The following TXLNB variants were observed in gnomAD, a reference collection of about 807,000 sequenced individuals.
TXLNB encodes beta-taxilin.
TXLNB carries 37 observed loss-of-function variants against 57.4 expected under a neutral mutation model. The ratio of observed to expected loss-of-function variants is 0.64; its 90% CI spans 0.50 to 0.85. The LOEUF is 0.85. TXLNB is among the 40% of genes least tolerant of loss of function. The pLI, the probability that TXLNB is intolerant of heterozygous loss-of-function variation, is 0.00. For missense variants in TXLNB, 848 were observed against 825.6 expected, an observed-to-expected ratio of 1.03 and a Z score of -0.33; for synonymous variants, 302 against 309.6, an observed-to-expected ratio of 0.98 and a Z score of 0.26.
chr6:139,211,362 G>A, the TXLNB span, among the ~76,000 whole-genome samples: 1 of 152,186 alleles, frequency 6.6e-6, no homozygotes, highest in Admixed American at 6.5e-5. Flanking sequence ...TGATACCCAG[G>A]CAAACAGGGT....
chr6:139,245,807 C>T lies in TXLNB; in HGVS notation c.1171-1117G>A, dbSNP rs182339521. On this transcript the variant is annotated intron_variant, in intron 8 of 9. Coordinates refer to ENST00000358430, the MANE Select transcript of TXLNB (RefSeq NM_153235.4). ...TCCCGAGTTCAAGCGATTCTCCTGCCTCAGCCTCCTGAGTAGCTGGGATTA... is the reference window on the plus strand; with the variant it reads ...TCCCGAGTTCAAGCGATTCTCCTGCTTCAGCCTCCTGAGTAGCTGGGATTA... Among the ~76,000 whole-genome samples, 152 of 152,300 alleles carry T rather than the reference C, an allele frequency of 1.0e-3. 1 individual carries two copies. Among genetic ancestry groups the T allele is most frequent in the African/African-American group, 3.5e-3 (144 of 41,566 alleles).
chr6:139,191,186 G>A, the TXLNB span, among the ~76,000 whole-genome samples: 6 of 152,068 alleles, frequency 3.9e-5, no homozygotes, highest in South Asian at 6.2e-4. Context: ...TTGGGAGGCC[G>A]AGATGGGCGG....
chr6:139,213,262 A>G, the TXLNB span, among the ~76,000 whole-genome samples: 4 of 152,348 alleles, frequency 2.6e-5, no homozygotes, highest in African/African-American at 9.6e-5. Flanking sequence ...AAGAACAGAA[A>G]TTATAACAAA....
At chr6:139,202,068 T>C in the TXLNB span, among the ~76,000 whole-genome samples, 1 of 152,212 alleles carries the variant, frequency 6.6e-6, no homozygotes, top group Non-Finnish European at 1.5e-5. Context: ...CCATATGAAA[T>C]TTCCATTTGA....
At chr6:139,294,521 G>A (rs1777356143), upstream of TXLNB, among the ~76,000 whole-genome samples, 1 of 152,036 alleles carries the variant, frequency 6.6e-6, no homozygotes, top group South Asian at 2.1e-4. Flanking sequence ...TATGAGGGTA[G>A]AGCTTTTATG....
the TXLNB span, among the ~76,000 whole-genome samples, chr6:139,231,960 C>A: frequency 1.3e-5 from 2 of 152,162 alleles, no homozygotes; most frequent in Admixed American, 1.3e-4. Flanking sequence ...CAGAGCATTA[C>A]AATAGTCTGA....
chr6:139,276,713 C>T, intron 3 of TXLNB, 117 bp downstream of exon 3: 1 of 755,588 alleles, frequency 1.3e-6, no homozygotes, highest in Non-Finnish European at 2.2e-6. Context: ...GCGCACAGAC[C>T]TCAGATGTTG....
chr6:139,196,130 G>C, the TXLNB span, among the ~76,000 whole-genome samples: 1 of 151,922 alleles, frequency 6.6e-6, no homozygotes, highest in Non-Finnish European at 1.5e-5. Context: ...AAAAGGAAAG[G>C]AATCTACCAT....
Position 139,288,769 on chromosome 6 carries a change from G to A in TXLNB, c.131C>T (p.Pro44Leu), listed in dbSNP as rs1316727716. The A allele has an allele frequency of 6.2e-7, 1 of 1,614,080 alleles. No homozygotes were observed. ...DGQDSPTPVQ[P>L]PEKEASVHPD... ...GTGCACACTTGCCTCTTTCTCTGGT[G>A]GTTGGACTGGGGTTGGAGAATCCTG... The change falls in exon 2 of 10, where the codon CCA (proline) becomes CTA (leucine). Residue 44 changes from proline to leucine, a missense_variant. Coordinates refer to ENST00000358430, the MANE Select transcript of TXLNB (RefSeq NM_153235.4).
chr6:139,287,785 G>A (rs905797377), intron 2 of TXLNB, among the ~76,000 whole-genome samples: 2 of 152,154 alleles, frequency 1.3e-5, no homozygotes, highest in South Asian at 2.1e-4. Flanking sequence ...CCCAGCCATC[G>A]TTGGTGTCAC....
chr6:139,208,795 G>T, the TXLNB span, among the ~76,000 whole-genome samples: 2 of 152,152 alleles, frequency 1.3e-5, no homozygotes, highest in African/African-American at 4.8e-5. Flanking sequence ...ATAGCTGAAG[G>T]TAATAAAAGC....
At chr6:139,167,241 A>G in the TXLNB span, 3 of 1,614,050 alleles carry the variant, frequency 1.9e-6, no homozygotes, top group Non-Finnish European at 2.5e-6. Flanking sequence ...GTGTTCGAAC[A>G]GTTCCCACTG....
the TXLNB span, among the ~76,000 whole-genome samples, chr6:139,168,045 G>A: frequency 6.6e-6 from 1 of 152,200 alleles, no homozygotes; most frequent in Non-Finnish European, 1.5e-5. Flanking sequence ...TAAAAAGCTT[G>A]TTGTGAAAAT....
the TXLNB span, among the ~76,000 whole-genome samples, chr6:139,213,667 C>CA: frequency 2.6e-5 from 4 of 152,104 alleles, no homozygotes; most frequent in African/African-American, 7.2e-5. Context: ...AAAAACCCTT[C>CA]AAAAAATCAA....
chr6:139,320,871 T>C, the TXLNB span, among the ~76,000 whole-genome samples: 1 of 152,206 alleles, frequency 6.6e-6, no homozygotes, highest in African/African-American at 2.4e-5. Flanking sequence ...CCTTTCCCAC[T>C]TTCTCCTTCT....
the TXLNB span, among the ~76,000 whole-genome samples, chr6:139,213,461 G>C: frequency 2.6e-5 from 4 of 152,110 alleles, no homozygotes; most frequent in African/African-American, 4.8e-5. Context: ...CAAAATCTCT[G>C]GGACACATTC....
the TXLNB span, among the ~76,000 whole-genome samples, chr6:139,172,842 T>C: frequency 6.6e-6 from 1 of 152,240 alleles, no homozygotes; most frequent in African/African-American, 2.4e-5. Flanking sequence ...TATTCTGTAA[T>C]GCTGCTGTTA....
At chr6:139,238,028 T>C (rs1184178544), downstream of TXLNB, among the ~76,000 whole-genome samples, 1 of 152,206 alleles carries the variant, frequency 6.6e-6, no homozygotes, top group Non-Finnish European at 1.5e-5. Flanking sequence ...CCAAATATCC[T>C]TATTTGGTGG....
In TXLNB at chr6:139,255,606, C is replaced by G; in HGVS notation, c.1035G>C (p.Gln345His). ...LLNQAAEWKL[Q>H]AKVLKEQETV... ...TCTCTTGCTCCTTCAGCACTTTCGCCTGAAGTTTCCACTCTGCTGCCTGGT... is the reference window on the plus strand; with the variant it reads ...TCTCTTGCTCCTTCAGCACTTTCGCGTGAAGTTTCCACTCTGCTGCCTGGT... Residue 345 changes from glutamine to histidine, a missense_variant, in exon 7 of 10, where the codon CAG becomes CAC. Coordinates refer to ENST00000358430, the MANE Select transcript of TXLNB (RefSeq NM_153235.4). 6.2e-7 allele frequency: 1 copy of G among 1,613,898 alleles called. No individual in the cohort carries two copies. Among genetic ancestry groups the G allele is most frequent in the Non-Finnish European group, 8.5e-7 (1 of 1,179,898 alleles).
Sources: gnomAD v4.1 joint callset for allele counts (sites outside exome capture counted in the v4.1 genomes callset) on GRCh38, gnomAD v4.1.1 for gene constraint, MANE v1.5 for transcripts, NCBI Gene and HGNC (gene_info 2026-07-23, HGNC 2026-07-21) for gene names.